TMEM132D: variants seen among roughly 807,000 people sequenced by gnomAD.
TMEM132D encodes the protein mature OL transmembrane protein.
TMEM132D carries 21 observed loss-of-function variants against 62.3 expected under a neutral mutation model. That is an observed-to-expected ratio of 0.34 (90% CI 0.24 to 0.49). The LOEUF (loss-of-function observed/expected upper bound fraction) is 0.49, where lower values mean the gene tolerates loss of function less well. Ranked by LOEUF, TMEM132D falls within the 20% of genes least tolerant of loss-of-function variation. The pLI is 0.99. For synonymous variants in TMEM132D, 621 were observed against 575.6 expected (o/e 1.08, Z -1.13); for missense variants, 1,346 against 1,402.8 (o/e 0.96, Z 0.65).
chr12:129,115,053 G>A (rs1369396019), intron 5 of TMEM132D, among the ~76,000 whole-genome samples: 1 of 152,146 alleles, frequency 6.6e-6, no homozygotes, highest in Non-Finnish European at 1.5e-5. Flanking sequence ...CGTGGAAAGG[G>A]TCACAGAGCT....
chr12:129,853,695 G>C (rs1873617938), intron 1 of TMEM132D: 1 of 152,168 alleles, frequency 6.6e-6, no homozygotes, highest in African/African-American at 2.4e-5. Context: ...AGTTATGGAA[G>C]ACAGCTCCTG....
chr12:129,080,018 G>A (rs1055287796), intron 7 of TMEM132D, among the ~76,000 whole-genome samples: 3 of 152,080 alleles, frequency 2.0e-5, no homozygotes, highest in African/African-American at 7.2e-5. Flanking sequence ...TTCTCATCTC[G>A]CTGTGAGTTT....
chr12:129,442,911 G>A (rs60585586), intron 3 of TMEM132D, among the ~76,000 whole-genome samples: 8,250 of 152,078 alleles, frequency 0.054, 747 homozygotes, highest in African/African-American at 0.19. Flanking sequence ...GGGAGGTGAC[G>A]GTGGCTGACA....
intron 4 of TMEM132D, among the ~76,000 whole-genome samples, chr12:129,311,341 A>G (rs1881972893): frequency 6.6e-6 from 1 of 152,146 alleles, no homozygotes; most frequent in Non-Finnish European, 1.5e-5. Context: ...TTAGCAAAGA[A>G]CTGAAAATTA....
chr12:129,337,859 T>C (rs1435182583), intron 3 of TMEM132D, 42 bp from the exon 4 acceptor site: 4 of 1,558,430 alleles, frequency 2.6e-6, no homozygotes, highest in East Asian at 2.3e-5. Flanking sequence ...CAGGGACTGA[T>C]GAGGTATGGC....
At chr12:129,832,341 TTATA>T (rs1038166243) in intron 1 of TMEM132D, among the ~76,000 whole-genome samples, 2 of 151,554 alleles carry the variant, frequency 1.3e-5, no homozygotes, top group African/African-American at 4.8e-5. Flanking sequence ...GTTTTACAAA[TTATA>T]TATATACATA....
At chr12:129,691,047 A>C (rs759073720) in intron 2 of TMEM132D, among the ~76,000 whole-genome samples, 17 of 152,116 alleles carry the variant, frequency 1.1e-4, no homozygotes, top group African/African-American at 1.9e-4. Context: ...TGGTAAGTCC[A>C]ACAGATTTTT....
chr12:129,842,002 C>T (rs1043503276), intron 1 of TMEM132D, among the ~76,000 whole-genome samples: 9 of 149,604 alleles, frequency 6.0e-5, no homozygotes, highest in African/African-American at 2.2e-4. Flanking sequence ...GCGATCTCGG[C>T]TCACTGCAAG....
chr12:129,170,365 T>A (rs950911104), intron 5 of TMEM132D: 1 of 152,186 alleles, frequency 6.6e-6, no homozygotes, highest in Non-Finnish European at 1.5e-5. Flanking sequence ...TTGGAGATAT[T>A]GTGGATTTGG....
At chr12:129,219,273 A>G (rs1879291296) in intron 4 of TMEM132D, among the ~76,000 whole-genome samples, 1 of 152,192 alleles carries the variant, frequency 6.6e-6, no homozygotes, top group Non-Finnish European at 1.5e-5. Context: ...TGATGGTTTT[A>G]TAAATGGGAA....
In TMEM132D at chr12:129,141,353, T is replaced by A. The variant is rs188670228; in HGVS notation, c.1444-56651A>T. On this transcript the variant is annotated intron_variant, in intron 5 of 8. Coordinates refer to ENST00000422113, the MANE Select transcript of TMEM132D (RefSeq NM_133448.3). Reference sequence around the variant, plus strand: ...ATGTGTCTAATGCTGTGGCTGTCCATGTGTTTGTGATCACATGGAGATTAT... The same window carrying A: ...ATGTGTCTAATGCTGTGGCTGTCCAAGTGTTTGTGATCACATGGAGATTAT... 2.5e-3 allele frequency among the ~76,000 whole-genome samples: 375 copies of A among 152,316 alleles called. 1 individual carries two copies. Among genetic ancestry groups the A allele is most frequent in the Non-Finnish European group, 2.8e-3 (190 of 68,032 alleles).
At chr12:129,357,641 A>T (rs1396195786) in intron 3 of TMEM132D, among the ~76,000 whole-genome samples, 1 of 152,094 alleles carries the variant, frequency 6.6e-6, no homozygotes, top group Non-Finnish European at 1.5e-5. Context: ...GGAGTTTGTC[A>T]TTATTTCAGA....
At chr12:129,804,587 C>G (rs1871910014) in intron 1 of TMEM132D, among the ~76,000 whole-genome samples, 1 of 144,012 alleles carries the variant, frequency 6.9e-6, no homozygotes. Context: ...CAATATCATA[C>G]TGAATGGGCA....
intron 3 of TMEM132D, among the ~76,000 whole-genome samples, chr12:129,520,031 T>G (rs1249027608): frequency 2.0e-5 from 3 of 152,212 alleles, no homozygotes; most frequent in Non-Finnish European, 4.4e-5. Flanking sequence ...CATATATGTA[T>G]AGATAGATAA....
rs1870135809 is a variant in TMEM132D at position 129,358,208 on chromosome 12, G to GCA, written c.1116-20393_1116-20392dup. 6.6e-5 allele frequency among the ~76,000 whole-genome samples: 10 copies of GCA among 152,288 alleles called. No individual in the cohort carries two copies. The South Asian group carries it at 1.9e-3, about 28-fold the overall frequency. On this transcript the variant is annotated intron_variant, in intron 3 of 8. Transcript: ENST00000422113. The stretch of plus-strand genomic sequence containing the variant: ...GTTGTAGCTTGAGCCAAGTCGTGCT[G>GCA]CACATCTTCCTTTTATTTCTGGGTT...
At chr12:129,659,744 A>T (rs1255009717) in intron 2 of TMEM132D, among the ~76,000 whole-genome samples, 1 of 152,236 alleles carries the variant, frequency 6.6e-6, no homozygotes, top group Non-Finnish European at 1.5e-5. Flanking sequence ...TTTGTTCACA[A>T]GCATTTTTTC....
chr12:129,704,326 A>G (rs1361759434), intron 1 of TMEM132D, among the ~76,000 whole-genome samples: 1 of 152,264 alleles, frequency 6.6e-6, no homozygotes, highest in Non-Finnish European at 1.5e-5. Context: ...AGCAAAGGCC[A>G]TGGGCCATGT....
intron 2 of TMEM132D, among the ~76,000 whole-genome samples, chr12:129,537,736 T>C (rs1876440913): frequency 6.6e-6 from 1 of 152,186 alleles, no homozygotes; most frequent in African/African-American, 2.4e-5. Flanking sequence ...AGGAATTGGT[T>C]CACAGAAGAA....
At chr12:129,510,883 C>T (rs1875477286) in intron 3 of TMEM132D, among the ~76,000 whole-genome samples, 1 of 152,110 alleles carries the variant, frequency 6.6e-6, no homozygotes, top group Non-Finnish European at 1.5e-5. Context: ...CTTTCAGGTT[C>T]TCTATTCTGT....
Sources: gnomAD v4.1 joint callset for allele counts (sites outside exome capture counted in the v4.1 genomes callset) on GRCh38, gnomAD v4.1.1 for gene constraint, MANE v1.5 for transcripts, NCBI Gene and HGNC (gene_info 2026-07-23, HGNC 2026-07-21) for gene names.